The following CHST11 variants were observed in gnomAD, a reference collection of about 807,000 sequenced individuals.
CHST11 encodes the protein carbohydrate sulfotransferase 11, also known as C4S-1.
Under a neutral mutation model 30.4 loss-of-function variants are expected in CHST11, and 9 were observed. That is an observed-to-expected ratio of 0.30 (90% confidence interval 0.18 to 0.52). CHST11 has a LOEUF of 0.52. Ranked by LOEUF, CHST11 falls within the 20% of genes least tolerant of loss-of-function variation. CHST11 has a pLI of 0.97. For missense variants in CHST11, 348 were observed against 460.6 expected (o/e 0.76, Z 2.24); for synonymous variants, 152 against 187.8 (o/e 0.81, Z 1.56).
intron 2 of CHST11, among the ~76,000 whole-genome samples, chr12:104,714,622 C>G (rs1566050284): frequency 6.6e-6 from 1 of 152,182 alleles, no homozygotes; most frequent in Non-Finnish European, 1.5e-5. Flanking sequence ...CAGCCAGACA[C>G]AGCGGCTGCT....
intron 1 of CHST11, among the ~76,000 whole-genome samples, chr12:104,463,101 C>A (rs1360590245): frequency 1.3e-5 from 2 of 152,100 alleles, no homozygotes; most frequent in Non-Finnish European, 2.9e-5. Context: ...ACAGTCATTT[C>A]AAAACAGGAA....
At chr12:104,585,711 T>G (rs1232693980) in intron 1 of CHST11, among the ~76,000 whole-genome samples, 1 of 152,210 alleles carries the variant, frequency 6.6e-6, no homozygotes, top group Non-Finnish European at 1.5e-5. Flanking sequence ...CTGGGTGGCT[T>G]TAAACCACAG....
intron 1 of CHST11, among the ~76,000 whole-genome samples, chr12:104,536,748 G>A (rs1333234968): frequency 2.0e-5 from 3 of 152,194 alleles, no homozygotes; most frequent in Non-Finnish European, 4.4e-5. Context: ...ATAGAAGATG[G>A]TGGTTATTAC....
intron 2 of CHST11, among the ~76,000 whole-genome samples, chr12:104,739,111 G>A (rs974467360): frequency 3.3e-5 from 5 of 152,232 alleles, no homozygotes; most frequent in Admixed American, 1.3e-4. Context: ...GGGAACCAAC[G>A]CCGGTGTGTG....
intron 2 of CHST11, among the ~76,000 whole-genome samples, chr12:104,608,473 A>T (rs1348951999): frequency 2.6e-5 from 4 of 152,138 alleles, no homozygotes; most frequent in African/African-American, 9.7e-5. Flanking sequence ...AGCACACGGC[A>T]CAAGCACCAT....
intron 2 of CHST11, among the ~76,000 whole-genome samples, chr12:104,611,989 A>G (rs898339815): frequency 6.6e-6 from 1 of 152,128 alleles, no homozygotes; most frequent in African/African-American, 2.4e-5. Flanking sequence ...CCCAGACCCC[A>G]CCCTCTCTCG....
intron 2 of CHST11, chr12:104,602,199 C>G: frequency 1.7e-6 from 1 of 593,992 alleles, no homozygotes; most frequent in Non-Finnish European, 3.0e-6. Flanking sequence ...AGAGAAATGC[C>G]TAGGTTTAGT....
At chr12:104,616,570 A>T (rs906171907) in intron 2 of CHST11, among the ~76,000 whole-genome samples, 3 of 151,612 alleles carry the variant, frequency 2.0e-5, no homozygotes, top group African/African-American at 7.3e-5. Flanking sequence ...GGTTCAAGCG[A>T]TTCTCCTGCC....
At position 104,761,885 on chromosome 12, in the gene CHST11, A is replaced by G. The variant is rs538516055; in HGVS notation, c.*4082A>G. 3 of 152,330 alleles carry G rather than the reference A, an allele frequency of 2.0e-5. No individual in the cohort carries two copies. Among genetic ancestry groups the G allele is most frequent in the East Asian group, 3.9e-4 (2 of 5,186 alleles). The allele number at this position is 152,330 out of a possible 1,614,324, so 9.4% of individuals were successfully genotyped here. ...GAAAACGCTCCCTGTATCTTGCTGT[A>G]CTGTTAAAGAAAGCTGAATTCCACA... On this transcript the variant is annotated 3_prime_UTR_variant, in exon 3 of 3. Coordinates refer to ENST00000303694, the MANE Select transcript of CHST11 (RefSeq NM_018413.6).
At chr12:104,671,409 A>G (rs2039696356) in intron 2 of CHST11, among the ~76,000 whole-genome samples, 3 of 152,120 alleles carry the variant, frequency 2.0e-5, no homozygotes, top group Admixed American at 6.5e-5. Context: ...TAGGGTTGTT[A>G]AGAATATTCG....
At chr12:104,625,894 A>G (rs1305867963) in intron 2 of CHST11, among the ~76,000 whole-genome samples, 2 of 152,224 alleles carry the variant, frequency 1.3e-5, no homozygotes, top group East Asian at 1.9e-4. Flanking sequence ...CAAGCTCACC[A>G]TGAAGGAGGA....
intron 1 of CHST11, among the ~76,000 whole-genome samples, chr12:104,526,099 G>A (rs1351350641): frequency 2.0e-5 from 3 of 152,084 alleles, no homozygotes; most frequent in Non-Finnish European, 4.4e-5. Flanking sequence ...CAGAAAGGCT[G>A]ATTGGTAGTT....
At chr12:104,532,636 A>C (rs2038196352) in intron 1 of CHST11, among the ~76,000 whole-genome samples, 1 of 152,174 alleles carries the variant, frequency 6.6e-6, no homozygotes, top group South Asian at 2.1e-4. Context: ...TGTTTTAAAA[A>C]TAGCCAAAAC....
chr12:104,548,534 A>G (rs561407966), intron 1 of CHST11, among the ~76,000 whole-genome samples: 24 of 152,236 alleles, frequency 1.6e-4, no homozygotes, highest in Non-Finnish European at 3.2e-4. Context: ...TATTATTAAA[A>G]TTAATAGTAA....
intron 1 of CHST11, among the ~76,000 whole-genome samples, chr12:104,523,189 G>A (rs961153013): frequency 2.6e-5 from 4 of 152,222 alleles, no homozygotes; most frequent in African/African-American, 7.2e-5. Flanking sequence ...AAGATGGAGT[G>A]GTGAGAGTCC....
At chr12:104,537,488 A>G (rs1297709410) in intron 1 of CHST11, among the ~76,000 whole-genome samples, 1 of 152,076 alleles carries the variant, frequency 6.6e-6, no homozygotes, top group East Asian at 1.9e-4. Context: ...ATCACAGGCA[A>G]GTTACTTAAC....
chr12:104,528,015 C>G (rs2038145573), intron 1 of CHST11, among the ~76,000 whole-genome samples: 4 of 152,178 alleles, frequency 2.6e-5, no homozygotes, highest in Non-Finnish European at 5.9e-5. Context: ...AGGTTCCTCC[C>G]TTGACACGTG....
chr12:104,647,020 A>G (rs986285801), intron 2 of CHST11, among the ~76,000 whole-genome samples: 2 of 152,240 alleles, frequency 1.3e-5, no homozygotes, highest in Non-Finnish European at 2.9e-5. Flanking sequence ...ATGCCTATTC[A>G]TTCTCACATA....
intron 2 of CHST11, among the ~76,000 whole-genome samples, chr12:104,702,828 C>G (rs757569651): frequency 6.6e-6 from 1 of 152,188 alleles, no homozygotes; most frequent in African/African-American, 2.4e-5. Context: ...GACAGCGGGT[C>G]GGCGAGAGTC....
Sources: allele counts gnomAD v4.1 joint callset (sites outside exome capture counted in the v4.1 genomes callset), GRCh38; gene constraint gnomAD v4.1.1; transcripts MANE v1.5; gene names NCBI Gene and HGNC (gene_info 2026-07-23, HGNC 2026-07-21).